The following PLCB1 variants were observed in gnomAD, a reference collection of about 807,000 sequenced individuals.
The protein encoded by PLCB1 is 1-phosphatidylinositol 4,5-bisphosphate phosphodiesterase beta-1.
Under a neutral mutation model 161.8 loss-of-function variants are expected in PLCB1, and 46 were observed. The observed-to-expected ratio is 0.28, with a 90% CI of 0.22 to 0.36. The LOEUF (loss-of-function observed/expected upper bound fraction) is 0.36. PLCB1 is among the 10% of genes least tolerant of loss of function. The pLI, the probability that PLCB1 is intolerant of heterozygous loss-of-function variation, is 1.00. For missense variants in PLCB1, 1,016 were observed against 1,472.5 expected (o/e 0.69, Z 5.07); for synonymous variants, 517 against 503.7 (o/e 1.03, Z -0.35).
At chr20:8,270,482 G>A (rs924865664) in intron 2 of PLCB1, among the ~76,000 whole-genome samples, 10 of 152,262 alleles carry the variant, frequency 6.6e-5, no homozygotes, top group East Asian at 1.9e-4. Flanking sequence ...CTCCAAGACT[G>A]TTGATACTGG....
Position 8,547,745 on chromosome 20 carries a change from A to T in PLCB1, c.247-80549A>T, listed in dbSNP as rs113285108. 3.2e-4 allele frequency among the ~76,000 whole-genome samples: 48 copies of T among 152,240 alleles called. 1 individual carries two copies. Among genetic ancestry groups the T allele is most frequent in the Non-Finnish European group, 3.7e-4 (25 of 68,018 alleles). On this transcript the variant is annotated intron_variant, in intron 3 of 31. Coordinates refer to ENST00000338037, the MANE Select transcript of PLCB1 (RefSeq NM_015192.4). ...GTTTTCTCCACCTACATTGAGAGCA[A>T]TGTTTCCAGATTAACTAGTATATCA... is the stretch of plus-strand genomic sequence containing the variant.
rs550880524 is a variant in PLCB1, at chr20:8,845,100, C to A, written c.3424-36522C>A. 4.6e-5 allele frequency among the ~76,000 whole-genome samples: 7 copies of A among 151,890 alleles called. No homozygotes were observed. In the South Asian group the frequency reaches 1.0e-3, roughly 23 times the overall value. On this transcript the variant is annotated intron_variant, in intron 31 of 31. Coordinates refer to ENST00000338037, the MANE Select transcript of PLCB1 (RefSeq NM_015192.4). ...CTGCACTCCAACCTGGGCAATAGAGCAAGACTCTGTCTCAAAAAAATAAAT... is the reference window on the plus strand; with the variant it reads ...CTGCACTCCAACCTGGGCAATAGAGAAAGACTCTGTCTCAAAAAAATAAAT...
chr20:8,225,609 A>G (rs1194308352), intron 2 of PLCB1, among the ~76,000 whole-genome samples: 2 of 152,248 alleles, frequency 1.3e-5, no homozygotes, highest in Non-Finnish European at 2.9e-5. Flanking sequence ...TTGGTATTAT[A>G]GAGTCTACTT....
intron 3 of PLCB1, among the ~76,000 whole-genome samples, chr20:8,383,684 T>A (rs1987333293): frequency 6.6e-6 from 1 of 152,240 alleles, no homozygotes; most frequent in Admixed American, 6.5e-5. Flanking sequence ...TTTCCATATT[T>A]AGTGCTTCCT....
chr20:8,226,207 C>T (rs1979674197), intron 2 of PLCB1, among the ~76,000 whole-genome samples: 1 of 152,168 alleles, frequency 6.6e-6, no homozygotes, highest in Admixed American at 6.5e-5. Context: ...GCTTACCTTT[C>T]ACTGTGAACT....
chr20:8,773,671 C>G (rs949379467), intron 26 of PLCB1, among the ~76,000 whole-genome samples: 1 of 152,206 alleles, frequency 6.6e-6, no homozygotes, highest in East Asian at 1.9e-4. Context: ...TGTGTCTTTG[C>G]TGTTAAAAAT....
intron 3 of PLCB1, among the ~76,000 whole-genome samples, chr20:8,553,393 G>A (rs561053404): frequency 3.9e-5 from 6 of 152,220 alleles, no homozygotes; most frequent in Non-Finnish European, 8.8e-5. Context: ...GTTCAAGGTG[G>A]AATCGTTTCT....
At chr20:8,785,479 T>C (rs376697567) in intron 27 of PLCB1, among the ~76,000 whole-genome samples, 95 of 152,260 alleles carry the variant, frequency 6.2e-4, no homozygotes, top group Admixed American at 1.0e-3. Flanking sequence ...TTAATAAATA[T>C]CCATTGCATC....
intron 3 of PLCB1, among the ~76,000 whole-genome samples, chr20:8,480,594 A>G (rs1982460319): frequency 6.6e-6 from 1 of 152,136 alleles, no homozygotes; most frequent in Non-Finnish European, 1.5e-5. Context: ...GATGATTGCC[A>G]TAGAAGGGTG....
At chr20:8,181,248 C>CAAAAAAA (rs60871672) in intron 2 of PLCB1, among the ~76,000 whole-genome samples, 6 of 81,240 alleles carry the variant, frequency 7.4e-5, no homozygotes, top group Non-Finnish European at 1.1e-4. Flanking sequence ...GACTCTGTCT[C>CAAAAAAA]AAAAAAAAAA....
intron 3 of PLCB1, among the ~76,000 whole-genome samples, chr20:8,416,689 G>C (rs2122529454): frequency 6.6e-6 from 1 of 152,172 alleles, no homozygotes; most frequent in East Asian, 1.9e-4. Flanking sequence ...GTATAGTAAT[G>C]ACCTGCTTGG....
intron 4 of PLCB1, among the ~76,000 whole-genome samples, chr20:8,635,161 G>A (rs764236898): frequency 1.2e-4 from 18 of 151,944 alleles, no homozygotes; most frequent in East Asian, 1.9e-4. Context: ...CTGTATTTGC[G>A]AGCTGATGAA....
intron 3 of PLCB1, among the ~76,000 whole-genome samples, chr20:8,555,697 CA>C (rs1296525103): frequency 6.6e-6 from 1 of 152,022 alleles, no homozygotes; most frequent in Non-Finnish European, 1.5e-5. Context: ...CTGTGTATGT[CA>C]GAGTAGAATA....
At chr20:8,144,278 C>T (rs2051432011) in intron 1 of PLCB1, among the ~76,000 whole-genome samples, 1 of 152,174 alleles carries the variant, frequency 6.6e-6, no homozygotes, top group African/African-American at 2.4e-5. Context: ...CTGATGCCCC[C>T]ACTAAGCCAG....
intron 31 of PLCB1, among the ~76,000 whole-genome samples, chr20:8,845,113 C>CAAAA: frequency 7.0e-6 from 1 of 143,226 alleles, no homozygotes; most frequent in African/African-American, 2.6e-5. Context: ...GACTCTGTCT[C>CAAAA]AAAAAAATAA....
chr20:8,144,960 C>T (rs913556900), intron 1 of PLCB1, among the ~76,000 whole-genome samples: 1 of 152,152 alleles, frequency 6.6e-6, no homozygotes, highest in African/African-American at 2.4e-5. Context: ...GGCCAGGAGA[C>T]TTTCTGACAG....
At chr20:8,412,968 A>C (rs1979109806) in intron 3 of PLCB1, among the ~76,000 whole-genome samples, 1 of 151,980 alleles carries the variant, frequency 6.6e-6, no homozygotes, top group Non-Finnish European at 1.5e-5. Context: ...AAAAAAAAAA[A>C]AAACCAATAT....
rs899726953 is a variant in PLCB1, at chr20:8,775,130, ATTATACAGTACACT to A, written c.3111+412_3111+425del. ...TGGGCTTTGTAAGAATTTTTTTAAA[ATTATACAGTACACT>A]GTCCTATATTTAGAAAAGTCAGTAC... On this transcript the variant is annotated intron_variant, in intron 27 of 31. Transcript: ENST00000338037. Among the ~76,000 whole-genome samples, 11 of 147,402 alleles carry A rather than the reference ATTATACAGTACACT, an allele frequency of 7.5e-5. 1 individual carries two copies. The highest frequency in any genetic ancestry group is 2.8e-4 in the African/African-American group (11 of 39,488).
intron 31 of PLCB1, among the ~76,000 whole-genome samples, chr20:8,804,615 A>G (rs1984438403): frequency 6.6e-6 from 1 of 152,200 alleles, no homozygotes; most frequent in Non-Finnish European, 1.5e-5. Flanking sequence ...TATTTCCCCA[A>G]ATGTTTTTTG....
Sources: allele counts gnomAD v4.1 joint callset (sites outside exome capture counted in the v4.1 genomes callset), GRCh38; gene constraint gnomAD v4.1.1; transcripts MANE v1.5; gene names NCBI Gene and HGNC (gene_info 2026-07-23, HGNC 2026-07-21).